Variants in WDR33 observed in about 807,000 individuals in gnomAD.
WDR33 encodes WD repeat domain 33, also known as pre-mRNA 3' end processing protein WDR33.
A neutral mutation model predicts 164.9 loss-of-function variants in WDR33; 47 were observed. The ratio of observed to expected loss-of-function variants is 0.29; its 90% CI spans 0.23 to 0.36. The LOEUF (loss-of-function observed/expected upper bound fraction) is 0.36. Among genes scored for constraint, WDR33 ranks in the 10% least tolerant of loss-of-function variants. The pLI, the probability that WDR33 is intolerant of heterozygous loss-of-function variation, is 1.00. For synonymous variants in WDR33, 505 were observed against 589.0 expected, an observed-to-expected ratio of 0.86 and a Z score of 2.06; for missense variants, 1,137 against 1,754.1, an observed-to-expected ratio of 0.65 and a Z score of 6.28.
rs1341459540 is a variant in WDR33, at chr2:127,720,098, G to A, written c.1927C>T (p.His643Tyr). 10 of 1,614,160 alleles carry A rather than the reference G, an allele frequency of 6.2e-6. No individual in the cohort carries two copies. Among genetic ancestry groups the A allele is most frequent in the Non-Finnish European group, 8.5e-6 (10 of 1,180,006 alleles). ...CCTTGTGGCCCCCCACCTCCCTGAT[G>A]CAGTGGAGGACCTTGTGGTCCCATT... ...GQMGPQGPPL[H>Y]QGGGGPQGFM... Residue 643 changes from histidine (H) to tyrosine (Y), a missense_variant, in exon 16 of 22, where the codon CAT becomes TAT. His to Tyr is a moderately conservative substitution (Grantham distance 83). This residue lies in a region of WDR33 where 867 missense variants were observed against 1,073.0 expected (regional missense o/e 0.81). Coordinates refer to ENST00000322313, the MANE Select transcript of WDR33 (RefSeq NM_018383.5). This position sits in a 1 kb window ranked among gnomAD's most constrained non-coding sequence, Gnocchi z 5.9.
At position 127,702,010 on chromosome 2, in the gene WDR33, T is replaced by G; in HGVS notation, c.*4313A>C. 1 of 1,308,614 alleles carries G rather than the reference T, an allele frequency of 7.6e-7. No individual in the cohort carries two copies. Among genetic ancestry groups the G allele is most frequent in the South Asian group, 2.0e-5 (1 of 50,652 alleles). 81.1% of individuals were successfully genotyped at this position (1,308,614 alleles called of 1,614,324 possible). A position where few individuals can be genotyped will look rare whatever the true frequency, so the allele number is the denominator to read the frequency against. The stretch of plus-strand genomic sequence containing the variant: ...CTGGGCGCCACGCTGTTCGCCGCGC[T>G]GGGCCTTCGCAGCACGCTGCTCACG... On this transcript the variant is annotated 3_prime_UTR_variant, in exon 22 of 22. Coordinates refer to ENST00000322313, the MANE Select transcript of WDR33 (RefSeq NM_018383.5).
rs1389978193 is a variant in WDR33 at position 127,704,663 on chromosome 2, A to G, written c.*1660T>C. Reference sequence around the variant, plus strand: ...ATTCTAACACTGAAAAGCAGTGTATATGGCTGACATTTTCTCACTCCACAG... The same window carrying G: ...ATTCTAACACTGAAAAGCAGTGTATGTGGCTGACATTTTCTCACTCCACAG... On this transcript the variant is annotated 3_prime_UTR_variant, in exon 22 of 22. Coordinates refer to ENST00000322313, the MANE Select transcript of WDR33 (RefSeq NM_018383.5). The G allele has an allele frequency of 3.0e-5, 5 of 167,238 alleles. No individual in the cohort carries two copies. Among genetic ancestry groups the G allele is most frequent in the African/African-American group, 1.2e-4 (5 of 41,592 alleles). The allele number at this position is 167,238 out of a possible 1,614,324, so 10.4% of individuals were successfully genotyped here.
Position 127,708,598 on chromosome 2 carries a change from G to C in WDR33, c.3781+79C>G. 1 of 1,431,870 alleles carries C rather than the reference G, an allele frequency of 7.0e-7. No homozygotes were observed. The highest frequency in any genetic ancestry group is 9.4e-7 in the Non-Finnish European group (1 of 1,059,348). 88.7% of individuals were successfully genotyped at this position (1,431,870 alleles called of 1,614,324 possible). ...TGCCTCTGCACAGCCCAGGCTGCAA[G>C]GGCATGTGCAGCAGATACAGGCAAG... On this transcript the variant is annotated intron_variant, in intron 21 of 21. Transcript: ENST00000322313. This position sits in a 1 kb window ranked among gnomAD's most constrained non-coding sequence, Gnocchi z 6.7.
At chr2:127,778,514 A>AACAC (rs140732221) in intron 1 of WDR33, among the ~76,000 whole-genome samples, 3 of 150,254 alleles carry the variant, frequency 2.0e-5, no homozygotes, top group Admixed American at 6.7e-5. Context: ...CCAGACAATG[A>AACAC]ACACACACAC....
At chr2:127,736,276 TC>T in intron 7 of WDR33, 2 of 985,384 alleles carry the variant, frequency 2.0e-6, no homozygotes, top group Middle Eastern at 5.2e-4. Flanking sequence ...AATGGACACT[TC>T]CGGGGGAGGA....
chr2:127,781,999 T>TAAAA (rs764718254), intron 1 of WDR33, among the ~76,000 whole-genome samples: 974 of 90,116 alleles, frequency 0.011, 15 homozygotes, highest in African/African-American at 0.04. Flanking sequence ...ACTCTTTTTC[T>TAAAA]AAAAAAAAAA....
At chr2:127,760,257 A>G (rs1250634631) in intron 7 of WDR33, among the ~76,000 whole-genome samples, 1 of 152,206 alleles carries the variant, frequency 6.6e-6, no homozygotes, top group Admixed American at 6.5e-5. Context: ...AAATAGAATT[A>G]TTTTGGATTT....
At chr2:127,788,104 T>A (rs1688666496) in intron 1 of WDR33, among the ~76,000 whole-genome samples, 1 of 87,298 alleles carries the variant, frequency 1.1e-5, no homozygotes, top group East Asian at 3.4e-4. Context: ...ACGGGGCGGC[T>A]GGCCGGGCTG....
chr2:127,753,796 G>A (rs1040583623), intron 7 of WDR33, among the ~76,000 whole-genome samples: 1 of 151,668 alleles, frequency 6.6e-6, no homozygotes, highest in Non-Finnish European at 1.5e-5. Context: ...ATCAACGAAA[G>A]GTAATTAAGA....
intron 1 of WDR33, among the ~76,000 whole-genome samples, chr2:127,808,426 G>A (rs1689513711): frequency 1.3e-5 from 2 of 152,148 alleles, no homozygotes; most frequent in Admixed American, 6.6e-5. Context: ...CACAAATCAT[G>A]AGTACAAGAT....
intron 7 of WDR33, among the ~76,000 whole-genome samples, chr2:127,754,899 GCTAAATA>G (rs1687476901): frequency 6.6e-6 from 1 of 152,034 alleles, no homozygotes; most frequent in East Asian, 1.9e-4. Flanking sequence ...TTTTAACCCA[GCTAAATA>G]CTAATCTTCC....
In WDR33 at chr2:127,741,670, T is replaced by C. The variant is rs1687018910; in HGVS notation, c.725-14893A>G. 6.6e-6 allele frequency among the ~76,000 whole-genome samples: 1 copy of C among 152,180 alleles called. No individual in the cohort carries two copies. The highest frequency in any genetic ancestry group is 2.4e-5 in the African/African-American group (1 of 41,444). ...TGGACAACCAAGGGTCACTGCGTTA[T>C]TTGAGAAAAAGCAAGTACCAGGAAA... On this transcript the variant is annotated intron_variant, in intron 7 of 21. Coordinates refer to ENST00000322313, the MANE Select transcript of WDR33 (RefSeq NM_018383.5). The surrounding 1 kb of genome is among the most constrained non-coding windows in gnomAD (Gnocchi z 4.1).
rs1447624229 is a variant in WDR33, at chr2:127,770,333, C to T, written c.204+445G>A. On this transcript the variant is annotated intron_variant, in intron 2 of 21. Transcript: ENST00000322313. This position sits in a 1 kb window ranked among gnomAD's most constrained non-coding sequence, Gnocchi z 4.9. Reference sequence around the variant, plus strand: ...TAGCCAATTTGAAATTCCACCGTGTCCCACTAATTCAACTAACACAGGTAT... The same window carrying T: ...TAGCCAATTTGAAATTCCACCGTGTTCCACTAATTCAACTAACACAGGTAT... Among the ~76,000 whole-genome samples the T allele has an allele frequency of 1.3e-5, 2 of 152,150 alleles. No homozygotes were observed. Among genetic ancestry groups the T allele is most frequent in the African/African-American group, 4.8e-5 (2 of 41,434 alleles).
chr2:127,802,188 G>A (rs1284046107), intron 1 of WDR33, among the ~76,000 whole-genome samples: 1 of 151,242 alleles, frequency 6.6e-6, no homozygotes. Flanking sequence ...AATTAAGACA[G>A]TAAAATTTTG....
Position 127,763,793 on chromosome 2 carries a change from G to C in WDR33, c.627-634C>G. The C allele has an allele frequency of 1.0e-6, 1 of 985,528 alleles. No individual in the cohort carries two copies. 61.0% of individuals were successfully genotyped at this position (985,528 alleles called of 1,614,324 possible). On this transcript the variant is annotated intron_variant, in intron 6 of 21. Transcript: ENST00000322313. This position sits in a 1 kb window ranked among gnomAD's most constrained non-coding sequence, Gnocchi z 4.5. The stretch of plus-strand genomic sequence containing the variant: ...GCCAAAGAATCTGCTGCAAGAAGGA[G>C]TCAGTTTTTCCCAGCAGTGAAAGAT...
intron 1 of WDR33, among the ~76,000 whole-genome samples, chr2:127,787,513 CG>C (rs1205558543): frequency 7.6e-6 from 1 of 131,560 alleles, no homozygotes; most frequent in Non-Finnish European, 1.6e-5. Context: ...CCCTCCCGGA[CG>C]GGGCGGCTGG....
In WDR33 at chr2:127,781,923, G is replaced by A. The variant is rs539712827; in HGVS notation, c.-23-10919C>T. Among the ~76,000 whole-genome samples, 89 of 151,108 alleles carry A rather than the reference G, an allele frequency of 5.9e-4. 1 individual carries two copies. The highest frequency in any genetic ancestry group is 1.3e-3 in the Admixed American group (19 of 15,118). On this transcript the variant is annotated intron_variant, in intron 1 of 21. Coordinates refer to ENST00000322313, the MANE Select transcript of WDR33 (RefSeq NM_018383.5). ...TGAGGCAGGAGAATTGCCTGAACCC[G>A]GGAGGTGGAGGTTGCGGTGAGCCAA...
intron 7 of WDR33, among the ~76,000 whole-genome samples, chr2:127,755,469 T>G (rs1191635155): frequency 1.3e-5 from 2 of 152,188 alleles, no homozygotes; most frequent in African/African-American, 4.8e-5. Context: ...TTGCCTGTAT[T>G]GTTCTGGCTA....
rs567057967 is a variant in WDR33 at position 127,709,596 on chromosome 2, C to T, written c.3473-14G>A. 6.2e-7 allele frequency: 1 copy of T among 1,612,646 alleles called. No individual in the cohort carries two copies. The highest frequency in any genetic ancestry group is 1.3e-5 in the African/African-American group (1 of 75,032). On this transcript the variant is annotated splice_polypyrimidine_tract_variant and intron_variant, in intron 19 of 21. Coordinates refer to ENST00000322313, the MANE Select transcript of WDR33 (RefSeq NM_018383.5). The surrounding 1 kb of genome is among the most constrained non-coding windows in gnomAD (Gnocchi z 5.0). ...CCTTCCTTCCTCCTACACAACAGAGCAAACAATGCTGCACTCAGACTGTTC... is the reference window on the plus strand; with the variant it reads ...CCTTCCTTCCTCCTACACAACAGAGTAAACAATGCTGCACTCAGACTGTTC...
Sources: gnomAD v4.1 joint callset for allele counts (sites outside exome capture counted in the v4.1 genomes callset) on GRCh38, gnomAD v4.1.1 for gene constraint, gnomAD v4.1.1 regional missense constraint, Gnocchi (gnomAD v3.1) non-coding constraint, MANE v1.5 for transcripts, NCBI Gene and HGNC (gene_info 2026-07-23, HGNC 2026-07-21) for gene names.